CLASP1: variants seen among roughly 807,000 people sequenced by gnomAD.
CLASP1 encodes CLIP-associating protein 1.
In CLASP1, 38 loss-of-function variants were observed where a neutral mutation model predicts 192.3. The observed-to-expected ratio is 0.20, with a 90% CI of 0.15 to 0.26. The LOEUF is 0.26. CLASP1 is among the 10% of genes least tolerant of loss of function. The probability of loss-of-function intolerance (pLI) is 1.00; values close to 1 mark genes in which losing one functional copy is unlikely to be tolerated. For synonymous variants in CLASP1, 691 were observed against 712.8 expected (o/e 0.97, Z 0.49); for missense variants, 1,433 against 1,932.5 (o/e 0.74, Z 4.85).
At chr2:121,367,101 G>A (rs2067555943) in intron 35 of CLASP1, among the ~76,000 whole-genome samples, 1 of 152,340 alleles carries the variant, frequency 6.6e-6, no homozygotes, top group East Asian at 1.9e-4. Flanking sequence ...CAGCTCCAGG[G>A]AGACCTGGTT....
chr2:121,409,090 G>C, intron 24 of CLASP1: 2 of 1,506,188 alleles, frequency 1.3e-6, no homozygotes, highest in South Asian at 1.2e-5. Context: ...AAAGCATAGA[G>C]AATTATGTCA....
chr2:121,458,452 G>A (rs1339948934), intron 13 of CLASP1, among the ~76,000 whole-genome samples: 1 of 152,148 alleles, frequency 6.6e-6, no homozygotes, highest in African/African-American at 2.4e-5. Flanking sequence ...AAACTTTTGG[G>A]TGAACAGTAA....
intron 2 of CLASP1, among the ~76,000 whole-genome samples, chr2:121,555,165 C>T (rs1483362963): frequency 1.3e-5 from 2 of 152,184 alleles, no homozygotes; most frequent in Non-Finnish European, 2.9e-5. Context: ...GGTCTCTCTG[C>T]GGCCCATGAA....
chr2:121,496,038 G>C (rs1281242676), intron 8 of CLASP1, among the ~76,000 whole-genome samples: 1 of 152,214 alleles, frequency 6.6e-6, no homozygotes, highest in Admixed American at 6.5e-5. Context: ...AAGGAGGAAG[G>C]AGAGCCACAC....
In CLASP1 at chr2:121,358,461, A is replaced by G. The variant is rs549881629; in HGVS notation, c.4206+4711T>C. Among the ~76,000 whole-genome samples, 4 of 152,276 alleles carry G rather than the reference A, an allele frequency of 2.6e-5. 1 individual carries two copies. In the South Asian group the frequency reaches 8.3e-4, roughly 32 times the overall value. ...TGACTGCTGCCCTGAGAGGCACCTA[A>G]GGGCCATTCCTGAGCGCAGGGGGTC... is the stretch of plus-strand genomic sequence containing the variant. On this transcript the variant is annotated intron_variant, in intron 37 of 39. Coordinates refer to ENST00000263710, the Ensembl canonical transcript of CLASP1.
chr2:121,423,339 T>C (rs12711552), intron 22 of CLASP1, among the ~76,000 whole-genome samples: 1 of 152,026 alleles, frequency 6.6e-6, no homozygotes, highest in African/African-American at 2.4e-5. Context: ...AATAACTGTT[T>C]TAAAAACATA....
At chr2:121,611,876 T>G (rs372460091) in intron 1 of CLASP1, among the ~76,000 whole-genome samples, 2 of 133,664 alleles carry the variant, frequency 1.5e-5, no homozygotes, top group African/African-American at 5.7e-5. Context: ...AAAGAGGAAC[T>G]GGAGGAGGAG....
chr2:121,492,675 A>T (rs1352266891), intron 8 of CLASP1, among the ~76,000 whole-genome samples: 2 of 83,806 alleles, frequency 2.4e-5, no homozygotes, highest in African/African-American at 1.3e-4. Context: ...TAAAAAAAAT[A>T]AAAAAAAAAA....
intron 8 of CLASP1, among the ~76,000 whole-genome samples, chr2:121,476,662 G>T (rs2091653893): frequency 3.3e-5 from 5 of 152,112 alleles, no homozygotes; most frequent in Admixed American, 2.6e-4. Context: ...AGCCCAATGG[G>T]GAGAAAATGC....
chr2:121,384,040 G>GTATATATACACACATATATGTATA (rs2072499416), intron 32 of CLASP1, among the ~76,000 whole-genome samples: 1 of 99,290 alleles, frequency 1.0e-5, no homozygotes, highest in Non-Finnish European at 2.2e-5. Flanking sequence ...ACATATATAT[G>GTATATATACACACATATATGTATA]TATATATACA....
At chr2:121,604,098 T>A (rs991390201) in intron 2 of CLASP1, among the ~76,000 whole-genome samples, 15 of 152,312 alleles carry the variant, frequency 9.8e-5, no homozygotes, top group Admixed American at 3.9e-4. Context: ...GATAAACATT[T>A]GAGATGATGG....
chr2:121,346,817 A>C (rs1043530184), intron 39 of CLASP1, among the ~76,000 whole-genome samples: 1 of 152,270 alleles, frequency 6.6e-6, no homozygotes, highest in Non-Finnish European at 1.5e-5. Context: ...TTTCATAAAC[A>C]GGAGTTAAGG....
intron 37 of CLASP1, among the ~76,000 whole-genome samples, chr2:121,351,574 T>C (rs2064418693): frequency 6.6e-6 from 1 of 152,220 alleles, no homozygotes; most frequent in African/African-American, 2.4e-5. Flanking sequence ...GTACTTTCCC[T>C]GGGAGGACCC....
At chr2:121,512,811 T>C (rs1476961115) in intron 7 of CLASP1, among the ~76,000 whole-genome samples, 4 of 152,254 alleles carry the variant, frequency 2.6e-5, no homozygotes, top group Non-Finnish European at 4.4e-5. Context: ...CACCACGTAT[T>C]TCTTAGAGAT....
At chr2:121,395,288 T>C (rs114072663) in intron 30 of CLASP1, among the ~76,000 whole-genome samples, 6 of 152,336 alleles carry the variant, frequency 3.9e-5, no homozygotes, top group African/African-American at 1.4e-4. Context: ...ATGTGGTAAT[T>C]TGTTATACAA....
chr2:121,453,501 C>A (rs928204213), intron 14 of CLASP1, among the ~76,000 whole-genome samples: 2 of 152,104 alleles, frequency 1.3e-5, no homozygotes, highest in South Asian at 2.1e-4. Context: ...GTAGAGCAAG[C>A]CTTTTCAAAG....
chr2:121,397,227 T>C (rs753277663), exon 30 of CLASP1: 1 of 1,613,964 alleles, frequency 6.2e-7, no homozygotes, highest in Non-Finnish European at 8.5e-7. Flanking sequence ...TTACAAAATC[T>C]GTTGGATCCA....
At chr2:121,387,948 G>A (rs1198263578) in intron 30 of CLASP1, 42 bp from the exon 32 acceptor site, 5 of 1,455,614 alleles carry the variant, frequency 3.4e-6, no homozygotes, top group Non-Finnish European at 4.7e-6. Flanking sequence ...ATGTACAATA[G>A]GTCATCAAAA....
At chr2:121,530,486 GAT>G in intron 2 of CLASP1, 161 bp from the exon 3 acceptor site, 1 of 602,148 alleles carries the variant, frequency 1.7e-6, no homozygotes, top group Non-Finnish European at 3.0e-6. Context: ...GAAGAAGGAT[GAT>G]CTTCCACAAA....
Sources: allele counts gnomAD v4.1 joint callset (sites outside exome capture counted in the v4.1 genomes callset), GRCh38; gene constraint gnomAD v4.1.1; transcripts MANE v1.5; gene names NCBI Gene and HGNC (gene_info 2026-07-23, HGNC 2026-07-21).